The following SLCO3A1 variants were observed in gnomAD, a reference collection of about 807,000 sequenced individuals.
SLCO3A1 encodes solute carrier organic anion transporter family member 3A1.
In SLCO3A1, 27 loss-of-function variants were observed where a neutral mutation model predicts 63.1. The ratio of observed to expected loss-of-function variants is 0.43; its 90% CI spans 0.32 to 0.59. The LOEUF (loss-of-function observed/expected upper bound fraction) is 0.59. Ranked by LOEUF, SLCO3A1 falls within the 20% of genes least tolerant of loss-of-function variation. The pLI is 0.09. For missense variants in SLCO3A1, 773 were observed against 945.8 expected (o/e 0.82, Z 2.40); for synonymous variants, 473 against 409.9 (o/e 1.15, Z -1.86).
rs532437433 is a variant in SLCO3A1 at position 91,885,938 on chromosome 15, C to T, written c.181-30055C>T. On this transcript the variant is annotated intron_variant, in intron 1 of 9. Transcript: ENST00000318445. This position sits in a 1 kb window ranked among gnomAD's most constrained non-coding sequence, Gnocchi z 4.7. ...GGGGTTGAAATATGCTTGATGTGGT[C>T]GGGGAGTGGAAAGACCAGTGTGTCT... Among the ~76,000 whole-genome samples, 18 of 152,054 alleles carry T rather than the reference C, an allele frequency of 1.2e-4. No homozygotes were observed. Among genetic ancestry groups the T allele is most frequent in the East Asian group, 3.9e-4 (2 of 5,156 alleles).
chr15:91,944,429 G>A (rs1441962940), intron 2 of SLCO3A1, among the ~76,000 whole-genome samples: 2 of 152,130 alleles, frequency 1.3e-5, no homozygotes, highest in Non-Finnish European at 2.9e-5. Context: ...AAAGCATTGG[G>A]TGAACCCTCT....
chr15:91,868,197 G>A (rs1897212850), intron 1 of SLCO3A1, among the ~76,000 whole-genome samples: 2 of 151,870 alleles, frequency 1.3e-5, no homozygotes, highest in Non-Finnish European at 2.9e-5. Flanking sequence ...GATTACAGGA[G>A]TGCACTACCA....
At position 92,052,985 on chromosome 15, in the gene SLCO3A1, A is replaced by G. The variant is rs116778517; in HGVS notation, c.647-41896A>G. 2.2e-3 allele frequency among the ~76,000 whole-genome samples: 341 copies of G among 152,324 alleles called. 2 individuals carry two copies. Among genetic ancestry groups the G allele is most frequent in the African/African-American group, 7.7e-3 (319 of 41,570 alleles). On this transcript the variant is annotated intron_variant, in intron 2 of 9. Transcript: ENST00000318445. ...GACCCACATTATACTTTTGCTGGAC[A>G]GTGCGGCTCTAGAACTTTCCAAAAT...
intron 3 of SLCO3A1, among the ~76,000 whole-genome samples, chr15:92,099,656 A>C (rs2151541514): frequency 6.6e-6 from 1 of 152,284 alleles, no homozygotes; most frequent in South Asian, 2.1e-4. Context: ...TAGTTCAGTT[A>C]ACCTTTGACA....
At chr15:92,115,043 T>G (rs2047776994) in intron 4 of SLCO3A1, among the ~76,000 whole-genome samples, 1 of 142,768 alleles carries the variant, frequency 7.0e-6, no homozygotes, top group Admixed American at 7.5e-5. Context: ...GACAGTGGTG[T>G]GTTGACAGCA....
At chr15:92,105,288 G>C (rs1332651741) in intron 4 of SLCO3A1, among the ~76,000 whole-genome samples, 1 of 152,012 alleles carries the variant, frequency 6.6e-6, no homozygotes, top group Non-Finnish European at 1.5e-5. Context: ...AGAAAAAAAA[G>C]CCACCTTCAA....
At chr15:91,985,689 C>A (rs1297100648) in intron 2 of SLCO3A1, among the ~76,000 whole-genome samples, 1 of 152,152 alleles carries the variant, frequency 6.6e-6, no homozygotes, top group South Asian at 2.1e-4. Context: ...CCCTCAGGCC[C>A]TGTGTCACAG....
Position 92,124,984 on chromosome 15 carries a change from T to C in SLCO3A1, c.1175-1077T>C, listed in dbSNP as rs570623284. On this transcript the variant is annotated intron_variant, in intron 5 of 9. Transcript: ENST00000318445. The stretch of plus-strand genomic sequence containing the variant: ...CCCAGGAGCTGGCTCATGACATCAC[T>C]CCTATACCAAGGGAAGAAAACCAAG... Among the ~76,000 whole-genome samples the C allele has an allele frequency of 1.1e-4, 16 of 152,154 alleles. No homozygotes were observed. The South Asian group carries it at 3.1e-3, about 30-fold the overall frequency.
At chr15:91,971,394 C>CAAAAAAAAAAAA (rs796386299) in intron 2 of SLCO3A1, among the ~76,000 whole-genome samples, 2,039 of 39,192 alleles carry the variant, frequency 0.052, 321 homozygotes, top group African/African-American at 0.062. Context: ...GACTCCATCT[C>CAAAAAAAAAAAA]AAAAAAAAAA....
At position 91,922,433 on chromosome 15, in the gene SLCO3A1, G is replaced by A. The variant is rs368825662; in HGVS notation, c.646+5975G>A. Among the ~76,000 whole-genome samples, 6 of 152,300 alleles carry A rather than the reference G, an allele frequency of 3.9e-5. No individual in the cohort carries two copies. The East Asian group carries it at 7.7e-4, about 20-fold the overall frequency. On this transcript the variant is annotated intron_variant, in intron 2 of 9. Coordinates refer to ENST00000318445, the MANE Select transcript of SLCO3A1 (RefSeq NM_013272.4). ...CCCCAGTGCAGCCCTCTGTGTTTCC[G>A]TTAATAATGCAAAGAGAATAATTCT...
At position 91,978,230 on chromosome 15, in the gene SLCO3A1, A is replaced by G. The variant is rs140929520; in HGVS notation, c.646+61772A>G. ...TTTTCCCCCCTGTAAATGATAGGCC[A>G]TCCTGCGGTACCCTCCCTTCTCACT... On this transcript the variant is annotated intron_variant, in intron 2 of 9. Coordinates refer to ENST00000318445, the MANE Select transcript of SLCO3A1 (RefSeq NM_013272.4). Among the ~76,000 whole-genome samples, 996 of 152,282 alleles carry G rather than the reference A, an allele frequency of 6.5e-3. 7 individuals are homozygous for G. Among genetic ancestry groups the G allele is most frequent in the Non-Finnish European group, 8.2e-3 (559 of 68,014 alleles).
At chr15:91,928,231 C>A (rs143697585) in intron 2 of SLCO3A1, among the ~76,000 whole-genome samples, 1 of 152,176 alleles carries the variant, frequency 6.6e-6, no homozygotes. Context: ...ACCATAATAC[C>A]GCTGAATACA....
At chr15:91,971,932 T>C (rs1038921815) in intron 2 of SLCO3A1, among the ~76,000 whole-genome samples, 1 of 152,156 alleles carries the variant, frequency 6.6e-6, no homozygotes, top group Non-Finnish European at 1.5e-5. Context: ...GTGTTTTGGA[T>C]CTTGGATTTT....
intron 2 of SLCO3A1, among the ~76,000 whole-genome samples, chr15:91,949,630 C>A (rs1053857045): frequency 6.6e-6 from 1 of 151,838 alleles, no homozygotes; most frequent in Non-Finnish European, 1.5e-5. Context: ...ACTCTGTCCC[C>A]CCAAAAGAAG....
intron 2 of SLCO3A1, among the ~76,000 whole-genome samples, chr15:92,061,184 G>C (rs1202861959): frequency 1.3e-5 from 2 of 152,310 alleles, no homozygotes; most frequent in East Asian, 3.9e-4. Flanking sequence ...GGTATACATA[G>C]GTGCCTAATA....
At chr15:92,047,347 AAT>A (rs1301936385) in intron 2 of SLCO3A1, among the ~76,000 whole-genome samples, 1 of 5,740 alleles carries the variant, frequency 1.7e-4, no homozygotes, top group African/African-American at 5.4e-4. Context: ...TATATATACA[AAT>A]ATATATATAA....
rs2151350504 is a variant in SLCO3A1, at chr15:91,885,451, G to A, written c.181-30542G>A. The stretch of plus-strand genomic sequence containing the variant: ...TGTTTCAGGAAGAAGCCGGGCAGAT[G>A]CCTCTTTGTTCCAGCAGCCAAACTC... On this transcript the variant is annotated intron_variant, in intron 1 of 9. Transcript: ENST00000318445. This position sits in a 1 kb window ranked among gnomAD's most constrained non-coding sequence, Gnocchi z 4.7. 6.6e-6 allele frequency among the ~76,000 whole-genome samples: 1 copy of A among 152,314 alleles called. No individual in the cohort carries two copies. The highest frequency in any genetic ancestry group is 1.5e-5 in the Non-Finnish European group (1 of 68,034).
chr15:92,058,723 C>G (rs141392276), intron 2 of SLCO3A1, among the ~76,000 whole-genome samples: 51 of 152,294 alleles, frequency 3.3e-4, no homozygotes, highest in African/African-American at 1.2e-3. Context: ...TGTATTCTTT[C>G]ACAGTCCTAG....
At chr15:92,029,438 T>C (rs2046618467) in intron 2 of SLCO3A1, among the ~76,000 whole-genome samples, 1 of 152,206 alleles carries the variant, frequency 6.6e-6, no homozygotes, top group Non-Finnish European at 1.5e-5. Context: ...TAGGTGTCCA[T>C]ATATAAACTC....
Sources: gnomAD v4.1 joint callset for allele counts (sites outside exome capture counted in the v4.1 genomes callset) on GRCh38, gnomAD v4.1.1 for gene constraint, Gnocchi (gnomAD v3.1) non-coding constraint, MANE v1.5 for transcripts, NCBI Gene and HGNC (gene_info 2026-07-23, HGNC 2026-07-21) for gene names.